Variants in FHOD3 observed in about 807,000 individuals in gnomAD.
The protein encoded by FHOD3 is FH1/FH2 domain-containing protein 3.
FHOD3 carries 90 observed loss-of-function variants against 173.0 expected under a neutral mutation model. The ratio of observed to expected loss-of-function variants is 0.52; its 90% CI spans 0.44 to 0.62. The LOEUF (loss-of-function observed/expected upper bound fraction) is 0.62, where lower values mean the gene tolerates loss of function less well. Ranked by LOEUF, FHOD3 falls within the 20% of genes least tolerant of loss-of-function variation. FHOD3 has a pLI of 0.00. For synonymous variants in FHOD3, 828 were observed against 823.0 expected, an observed-to-expected ratio of 1.01 and a Z score of -0.10; for missense variants, 1,945 against 2,034.7, an observed-to-expected ratio of 0.96 and a Z score of 0.85.
intron 3 of FHOD3, among the ~76,000 whole-genome samples, chr18:36,451,904 TAGC>T (rs1239994243): frequency 6.6e-6 from 1 of 152,178 alleles, no homozygotes; most frequent in African/African-American, 2.4e-5. Context: ...TCAGCACAGA[TAGC>T]AGCCGCCCTC....
At chr18:36,714,934 CCT>C (rs2040367402) in intron 18 of FHOD3, among the ~76,000 whole-genome samples, 1 of 152,196 alleles carries the variant, frequency 6.6e-6, no homozygotes, top group South Asian at 2.1e-4. Flanking sequence ...TTGTGATCCC[CCT>C]GTCAATGCCT....
chr18:36,643,058 C>T (rs979764017), intron 10 of FHOD3, among the ~76,000 whole-genome samples: 4 of 151,758 alleles, frequency 2.6e-5, no homozygotes, highest in East Asian at 1.9e-4. Flanking sequence ...TTCTGGTGGT[C>T]GTCCATATTG....
intron 3 of FHOD3, among the ~76,000 whole-genome samples, chr18:36,417,779 C>G (rs1426060208): frequency 1.3e-5 from 2 of 152,170 alleles, no homozygotes; most frequent in African/African-American, 4.8e-5. Flanking sequence ...GCCAACTTCC[C>G]CTCCCCAGAT....
intron 1 of FHOD3, among the ~76,000 whole-genome samples, chr18:36,300,692 C>G (rs1464549062): frequency 6.6e-6 from 1 of 152,078 alleles, no homozygotes; most frequent in Non-Finnish European, 1.5e-5. Context: ...TCAGAGTGCT[C>G]TCAGCTCTCC....
chr18:36,604,029 A>G (rs1289602962), intron 8 of FHOD3, among the ~76,000 whole-genome samples: 1 of 152,030 alleles, frequency 6.6e-6, no homozygotes, highest in Non-Finnish European at 1.5e-5. Flanking sequence ...TCCCTCCCTG[A>G]TCACCACCTT....
chr18:36,719,729 A>G (rs774432506), intron 19 of FHOD3, among the ~76,000 whole-genome samples: 1 of 152,188 alleles, frequency 6.6e-6, no homozygotes, highest in Non-Finnish European at 1.5e-5. Context: ...CAGCAATGCC[A>G]TTTGGGCACC....
chr18:36,513,113 A>G (rs17650954), intron 5 of FHOD3, among the ~76,000 whole-genome samples: 8,577 of 151,780 alleles, frequency 0.057, 355 homozygotes, highest in Admixed American at 0.12. Flanking sequence ...GTTCCAGTTT[A>G]TAGTTAATGG....
chr18:36,729,456 A>G (rs1440174856), intron 19 of FHOD3, among the ~76,000 whole-genome samples: 3 of 152,218 alleles, frequency 2.0e-5, no homozygotes, highest in Non-Finnish European at 4.4e-5. Flanking sequence ...TAAGGCTGCC[A>G]TAATAAAATA....
At chr18:36,479,302 G>C (rs994744490) in intron 3 of FHOD3, among the ~76,000 whole-genome samples, 1 of 152,154 alleles carries the variant, frequency 6.6e-6, no homozygotes, top group East Asian at 1.9e-4. Context: ...CTTTTTGTTT[G>C]TTAAAGGACA....
At chr18:36,443,795 T>C (rs1599139529) in intron 3 of FHOD3, among the ~76,000 whole-genome samples, 1 of 152,332 alleles carries the variant, frequency 6.6e-6, no homozygotes, top group East Asian at 1.9e-4. Context: ...TTTGTACTGA[T>C]GTGACCTATT....
chr18:36,653,043 A>C, intron 12 of FHOD3, 114 bp downstream of exon 12: 1 of 1,368,640 alleles, frequency 7.3e-7, no homozygotes, highest in Non-Finnish European at 9.6e-7. Context: ...ATTTCAGCCC[A>C]AGCAGGGAGC....
intron 3 of FHOD3, among the ~76,000 whole-genome samples, chr18:36,424,290 GT>G (rs1427804034): frequency 1.3e-5 from 2 of 152,176 alleles, no homozygotes; most frequent in Non-Finnish European, 2.9e-5. Flanking sequence ...AAGCCACTTA[GT>G]GTGTATAAAA....
chr18:36,761,885 A>C (rs1403761408), intron 27 of FHOD3, among the ~76,000 whole-genome samples: 2 of 152,126 alleles, frequency 1.3e-5, no homozygotes, highest in Non-Finnish European at 2.9e-5. Context: ...GCTAGTAGTA[A>C]TTATGCTGGG....
At chr18:36,744,456 G>A (rs574067926) in intron 23 of FHOD3, among the ~76,000 whole-genome samples, 37 of 152,264 alleles carry the variant, frequency 2.4e-4, no homozygotes, top group Admixed American at 8.5e-4. Context: ...TAAACCCTGC[G>A]TCCACTGTTA....
chr18:36,400,149 T>G (rs2048736985), intron 3 of FHOD3, among the ~76,000 whole-genome samples: 2 of 152,208 alleles, frequency 1.3e-5, no homozygotes, highest in Admixed American at 1.3e-4. Flanking sequence ...TAATTTTAAT[T>G]AGTTTTCAAG....
chr18:36,407,822 C>T (rs2146813424), intron 3 of FHOD3, among the ~76,000 whole-genome samples: 1 of 152,304 alleles, frequency 6.6e-6, no homozygotes, highest in Middle Eastern at 3.4e-3. Flanking sequence ...AACTTCTGTG[C>T]CTCAGTGTCC....
rs1400493527 is a variant in FHOD3, at chr18:36,717,820, A to G, written c.2534-12A>G. ...TGCCCCTTTCTCATTTTTCTCTCCC[A>G]TGTACTTTCAGGTTTGTGGCCCGCA... On this transcript the variant is annotated splice_polypyrimidine_tract_variant and intron_variant, in intron 18 of 28. Coordinates refer to ENST00000590592, the MANE Select transcript of FHOD3 (RefSeq NM_001281740.3). 1.3e-6 allele frequency: 2 copies of G among 1,550,352 alleles called. No homozygotes were observed. The highest frequency in any genetic ancestry group is 1.4e-5 in the African/African-American group (1 of 73,084).
At chr18:36,631,057 T>A (rs2034477195) in intron 10 of FHOD3, among the ~76,000 whole-genome samples, 1 of 152,168 alleles carries the variant, frequency 6.6e-6, no homozygotes, top group Non-Finnish European at 1.5e-5. Flanking sequence ...AAAGAGACCA[T>A]GCTTAGGTGG....
intron 9 of FHOD3, among the ~76,000 whole-genome samples, chr18:36,622,973 GCTACCCTTGGGT>G (rs1440195805): frequency 6.6e-6 from 1 of 152,188 alleles, no homozygotes; most frequent in Admixed American, 6.5e-5. Context: ...CAAGCATGAG[GCTACCCTTGGGT>G]CTACCAAGAT....
Sources: allele counts gnomAD v4.1 joint callset (sites outside exome capture counted in the v4.1 genomes callset), GRCh38; gene constraint gnomAD v4.1.1; transcripts MANE v1.5; gene names NCBI Gene and HGNC (gene_info 2026-07-23, HGNC 2026-07-21).